Variants in PRKCA observed in about 807,000 individuals in gnomAD.
The protein encoded by PRKCA is protein kinase C alpha, also known as protein kinase C alpha type.
Under a neutral mutation model 87.0 loss-of-function variants are expected in PRKCA, and 27 were observed. The observed-to-expected ratio is 0.31, with a 90% CI of 0.23 to 0.43. The LOEUF is 0.43. Ranked by LOEUF, PRKCA falls within the 20% of genes least tolerant of loss-of-function variation. The pLI, the probability that PRKCA is intolerant of heterozygous loss-of-function variation, is 1.00. For synonymous variants in PRKCA, 329 were observed against 311.1 expected, an observed-to-expected ratio of 1.06 and a Z score of -0.61; for missense variants, 518 against 852.3, an observed-to-expected ratio of 0.61 and a Z score of 4.88.
chr17:66,537,327 G>T (rs573564543), intron 3 of PRKCA, among the ~76,000 whole-genome samples: 1 of 152,280 alleles, frequency 6.6e-6, no homozygotes, highest in African/African-American at 2.4e-5. Flanking sequence ...GATTGAGAAA[G>T]TACAAAATTT....
intron 13 of PRKCA, among the ~76,000 whole-genome samples, chr17:66,772,256 A>G (rs1431803752): frequency 1.3e-5 from 2 of 152,188 alleles, no homozygotes; most frequent in Admixed American, 1.3e-4. Context: ...CAAAGGTTGT[A>G]AAAGAAATTA....
chr17:66,705,615 G>C (rs543208579), intron 8 of PRKCA, among the ~76,000 whole-genome samples: 2 of 152,310 alleles, frequency 1.3e-5, no homozygotes, highest in East Asian at 3.9e-4. Context: ...AGAAATATTA[G>C]TTAATATCAC....
At chr17:66,346,271 G>A (rs1431235628) in intron 2 of PRKCA, among the ~76,000 whole-genome samples, 1 of 151,542 alleles carries the variant, frequency 6.6e-6, no homozygotes, top group Non-Finnish European at 1.5e-5. Context: ...TAATTTTTTT[G>A]TGTTTTTAGT....
At chr17:66,585,534 T>G (rs1223073086) in intron 3 of PRKCA, among the ~76,000 whole-genome samples, 3 of 152,214 alleles carry the variant, frequency 2.0e-5, no homozygotes, top group Non-Finnish European at 4.4e-5. Context: ...GATTACATTC[T>G]CAGGTATTGG....
chr17:66,329,716 G>T (rs892797734), intron 2 of PRKCA, among the ~76,000 whole-genome samples: 4 of 152,152 alleles, frequency 2.6e-5, no homozygotes, highest in African/African-American at 4.8e-5. Context: ...TGCTCTGATG[G>T]CCTGTGGAGG....
intron 2 of PRKCA, among the ~76,000 whole-genome samples, chr17:66,383,345 C>G (rs1279954726): frequency 6.6e-6 from 1 of 151,792 alleles, no homozygotes; most frequent in Non-Finnish European, 1.5e-5. Flanking sequence ...TATAGACTTT[C>G]TGTTTGCTTG....
intron 2 of PRKCA, among the ~76,000 whole-genome samples, chr17:66,458,992 A>G (rs1914709032): frequency 6.6e-6 from 1 of 152,154 alleles, no homozygotes; most frequent in Non-Finnish European, 1.5e-5. Flanking sequence ...GAGGTAAAGT[A>G]ACTTGATTAA....
chr17:66,488,154 T>C (rs1916067644), intron 2 of PRKCA, among the ~76,000 whole-genome samples: 1 of 152,192 alleles, frequency 6.6e-6, no homozygotes. Context: ...TGGTCTTCTC[T>C]GTTCATTTTC....
chr17:66,624,737 G>GC, intron 3 of PRKCA, among the ~76,000 whole-genome samples: 1 of 151,982 alleles, frequency 6.6e-6, no homozygotes, highest in East Asian at 1.9e-4. Context: ...AGGAGGCGGA[G>GC]GTTGCAGTGA....
chr17:66,520,451 G>C (rs1004398314), intron 3 of PRKCA, among the ~76,000 whole-genome samples: 1 of 151,858 alleles, frequency 6.6e-6, no homozygotes, highest in Non-Finnish European at 1.5e-5. Context: ...CTTTTATAGA[G>C]TCAGGGTCTT....
chr17:66,339,879 A>T (rs373107640), intron 2 of PRKCA: 1 of 152,226 alleles, frequency 6.6e-6, no homozygotes, highest in Non-Finnish European at 1.5e-5. Flanking sequence ...GAAACCCCTA[A>T]TATTAAGAAC....
chr17:66,311,785 C>T (rs1905097730), intron 2 of PRKCA, among the ~76,000 whole-genome samples: 1 of 152,102 alleles, frequency 6.6e-6, no homozygotes, highest in African/African-American at 2.4e-5. Flanking sequence ...TGATTAATGA[C>T]TTTCTGAATT....
At chr17:66,317,261 C>T (rs549869880) in intron 2 of PRKCA, among the ~76,000 whole-genome samples, 49 of 152,248 alleles carry the variant, frequency 3.2e-4, no homozygotes, top group Admixed American at 1.2e-3. Context: ...GGGCTAACCT[C>T]GGGCTGATGT....
intron 5 of PRKCA, among the ~76,000 whole-genome samples, chr17:66,648,096 A>G (rs1971499955): frequency 6.6e-6 from 1 of 152,220 alleles, no homozygotes. Context: ...TCTCTGCTTC[A>G]TAGATGGCAC....
intron 3 of PRKCA, among the ~76,000 whole-genome samples, chr17:66,585,141 A>C (rs1439994528): frequency 2.0e-5 from 3 of 152,012 alleles, no homozygotes; most frequent in Non-Finnish European, 1.5e-5. Context: ...GATTGGTTAG[A>C]TAGGTGTGCC....
intron 8 of PRKCA, among the ~76,000 whole-genome samples, chr17:66,702,135 C>T (rs1567984422): frequency 6.7e-6 from 1 of 150,132 alleles, no homozygotes; most frequent in Non-Finnish European, 1.5e-5. Flanking sequence ...TGTGCATATT[C>T]ATATATATAT....
intron 2 of PRKCA, among the ~76,000 whole-genome samples, chr17:66,442,064 C>CT (rs137893356): frequency 0.21 from 30,909 of 147,266 alleles, 3,836 homozygotes; most frequent in Non-Finnish European, 0.29. Flanking sequence ...TAGTCTCTCT[C>CT]TCTTTTTTTT....
intron 2 of PRKCA, among the ~76,000 whole-genome samples, chr17:66,345,956 A>C (rs1177446128): frequency 6.6e-6 from 1 of 152,160 alleles, no homozygotes; most frequent in Non-Finnish European, 1.5e-5. Context: ...TAGATGATGG[A>C]TGAATGCCAC....
At chr17:66,365,335 T>C (rs1452086871) in intron 2 of PRKCA, among the ~76,000 whole-genome samples, 2 of 152,140 alleles carry the variant, frequency 1.3e-5, no homozygotes, top group African/African-American at 2.4e-5. Flanking sequence ...GAGGAAGGTG[T>C]ATCCGTCTTG....
Sources: gnomAD v4.1 joint callset for allele counts (sites outside exome capture counted in the v4.1 genomes callset) on GRCh38, gnomAD v4.1.1 for gene constraint, MANE v1.5 for transcripts, NCBI Gene and HGNC (gene_info 2026-07-23, HGNC 2026-07-21) for gene names.